Variants in SOX5 observed in about 807,000 individuals in gnomAD.
SOX5 encodes the protein transcription factor SOX-5.
Under a neutral mutation model 92.0 loss-of-function variants are expected in SOX5, and 9 were observed. That is an observed-to-expected ratio of 0.10 (90% confidence interval 0.06 to 0.17). SOX5 has a LOEUF of 0.17. Among genes scored for constraint, SOX5 ranks in the 10% least tolerant of loss-of-function variants. The probability of loss-of-function intolerance (pLI) is 1.00; values close to 1 mark genes in which losing one functional copy is unlikely to be tolerated. For missense variants in SOX5, 642 were observed against 944.5 expected (o/e 0.68, Z 4.20); for synonymous variants, 344 against 336.3 (o/e 1.02, Z -0.25).
At chr12:24,286,550 T>A (rs1053835734) in intron 2 of SOX5, among the ~76,000 whole-genome samples, 3 of 152,090 alleles carry the variant, frequency 2.0e-5, no homozygotes, top group Non-Finnish European at 4.4e-5. Context: ...TATATAAATT[T>A]TTTTAGAGAC....
chr12:24,249,495 T>C (rs1271572456), intron 3 of SOX5, among the ~76,000 whole-genome samples: 1 of 152,248 alleles, frequency 6.6e-6, no homozygotes, highest in East Asian at 1.9e-4. Context: ...TTTTTTCTAA[T>C]CTTACATCTA....
At chr12:24,117,807 G>A (rs1948179844) in intron 4 of SOX5, among the ~76,000 whole-genome samples, 1 of 151,964 alleles carries the variant, frequency 6.6e-6, no homozygotes, top group African/African-American at 2.4e-5. Flanking sequence ...AGCACTTGAG[G>A]CGAGGGATTC....
chr12:23,646,456 C>T (rs922843278), intron 7 of SOX5, among the ~76,000 whole-genome samples: 6 of 152,148 alleles, frequency 3.9e-5, no homozygotes, highest in Non-Finnish European at 5.9e-5. Context: ...CATGAGCCAC[C>T]GCGCCTGGTG....
At chr12:24,117,632 G>A (rs1243773137) in intron 4 of SOX5, among the ~76,000 whole-genome samples, 1 of 152,162 alleles carries the variant, frequency 6.6e-6, no homozygotes, top group Admixed American at 6.5e-5. Flanking sequence ...ATACTATCCA[G>A]CGTTAGAATA....
intron 3 of SOX5, among the ~76,000 whole-genome samples, chr12:23,757,854 GA>G (rs2094442459): frequency 6.6e-6 from 1 of 151,682 alleles, no homozygotes; most frequent in Admixed American, 6.6e-5. Flanking sequence ...TAAAGAAACA[GA>G]AGTCTTCTGT....
intron 9 of SOX5, among the ~76,000 whole-genome samples, chr12:23,578,676 T>C (rs1949611363): frequency 6.6e-6 from 1 of 152,002 alleles, no homozygotes; most frequent in Non-Finnish European, 1.5e-5. Context: ...AAGATTAGAA[T>C]CCAGATCTAC....
intron 1 of SOX5, among the ~76,000 whole-genome samples, chr12:23,900,102 A>G (rs917926037): frequency 6.6e-6 from 1 of 152,194 alleles, no homozygotes; most frequent in Non-Finnish European, 1.5e-5. Context: ...ATACTTTTAG[A>G]AAGTATTATA....
At chr12:24,211,699 C>A (rs1483821262) in intron 4 of SOX5, among the ~76,000 whole-genome samples, 3 of 152,138 alleles carry the variant, frequency 2.0e-5, no homozygotes, top group African/African-American at 7.2e-5. Context: ...TGCCAAGAAA[C>A]ATAGATTTAG....
At chr12:23,646,805 C>T (rs1229551451) in intron 7 of SOX5, among the ~76,000 whole-genome samples, 3 of 152,162 alleles carry the variant, frequency 2.0e-5, no homozygotes, top group Non-Finnish European at 4.4e-5. Context: ...CATCTTCAAG[C>T]TCCATTTCTA....
intron 4 of SOX5, among the ~76,000 whole-genome samples, chr12:23,968,374 G>A (rs1274257972): frequency 2.0e-5 from 3 of 152,130 alleles, no homozygotes; most frequent in Non-Finnish European, 4.4e-5. Context: ...GTTTGAATAT[G>A]TCCCCCAAAG....
At chr12:24,364,186 G>A (rs931751942) in intron 2 of SOX5, among the ~76,000 whole-genome samples, 3 of 152,000 alleles carry the variant, frequency 2.0e-5, no homozygotes, top group African/African-American at 7.2e-5. Flanking sequence ...ATTCAGAGGG[G>A]CAATTGTCTT....
At chr12:24,429,763 T>G (rs1023914054) in intron 1 of SOX5, among the ~76,000 whole-genome samples, 1 of 152,188 alleles carries the variant, frequency 6.6e-6, no homozygotes, top group South Asian at 2.1e-4. Context: ...TACACAAATG[T>G]TATTTTGTCA....
intron 4 of SOX5, among the ~76,000 whole-genome samples, chr12:24,151,426 A>G (rs776092177): frequency 7.9e-5 from 12 of 152,138 alleles, no homozygotes; most frequent in African/African-American, 2.4e-4. Context: ...ATCATCTACA[A>G]TTTATTTGGG....
chr12:23,658,887 C>T (rs1470501195), intron 7 of SOX5, among the ~76,000 whole-genome samples: 3 of 151,936 alleles, frequency 2.0e-5, no homozygotes, highest in Admixed American at 6.6e-5. Flanking sequence ...AGCGAGACTC[C>T]GTCTCAAAAA....
At chr12:24,285,310 G>C (rs1945734411) in intron 2 of SOX5, among the ~76,000 whole-genome samples, 1 of 137,984 alleles carries the variant, frequency 7.2e-6, no homozygotes, top group Non-Finnish European at 1.5e-5. Context: ...GTAAAGCATG[G>C]TACCCTTTCA....
Position 24,136,277 on chromosome 12 carries a change from G to A in SOX5, c.-2+77066C>T, listed in dbSNP as rs532266904. Among the ~76,000 whole-genome samples the A allele has an allele frequency of 3.3e-5, 5 of 152,314 alleles. No homozygotes were observed. In the East Asian group the frequency reaches 5.8e-4, roughly 18 times the overall value. Reference sequence around the variant, plus strand: ...GCTGAGAAATCCTAAGGGGAGACACGCAGTGGAGTAGAGTCATGGGTTTTC... The same window carrying A: ...GCTGAGAAATCCTAAGGGGAGACACACAGTGGAGTAGAGTCATGGGTTTTC... On this transcript the variant is annotated intron_variant, in intron 4 of 4. Transcript: ENST00000446891.
intron 6 of SOX5, among the ~76,000 whole-genome samples, chr12:23,719,802 A>AAAAC (rs1555289209): frequency 6.7e-6 from 1 of 150,044 alleles, no homozygotes; most frequent in African/African-American, 2.4e-5. Flanking sequence ...AAAAAAAAAA[A>AAAAC]AAAAAAAAAC....
intron 2 of SOX5, among the ~76,000 whole-genome samples, chr12:24,333,328 A>G (rs1351905116): frequency 6.6e-6 from 1 of 152,050 alleles, no homozygotes; most frequent in Non-Finnish European, 1.5e-5. Flanking sequence ...TGGAAGCTCA[A>G]TATGTAAAAC....
At chr12:24,338,788 T>G (rs1952214393) in intron 2 of SOX5, among the ~76,000 whole-genome samples, 1 of 152,202 alleles carries the variant, frequency 6.6e-6, no homozygotes, top group Admixed American at 6.5e-5. Flanking sequence ...GTACACGCTC[T>G]CTTGCCTACC....
Sources: gnomAD v4.1 joint callset for allele counts (sites outside exome capture counted in the v4.1 genomes callset) on GRCh38, gnomAD v4.1.1 for gene constraint, MANE v1.5 for transcripts, NCBI Gene and HGNC (gene_info 2026-07-23, HGNC 2026-07-21) for gene names.